EML6: variants seen among roughly 807,000 people sequenced by gnomAD.
EML6 encodes echinoderm microtubule-associated protein-like 6.
In EML6, 154 loss-of-function variants were observed where a neutral mutation model predicts 240.1. That is an observed-to-expected ratio of 0.64 (90% confidence interval 0.56 to 0.73). The LOEUF (loss-of-function observed/expected upper bound fraction) is 0.73, where lower values mean the gene tolerates loss of function less well. Among genes scored for constraint, EML6 ranks in the 30% least tolerant of loss-of-function variants. EML6 has a pLI of 0.00. For missense variants in EML6, 2,964 were observed against 2,474.6 expected (o/e 1.20, Z -4.20); for synonymous variants, 1,148 against 899.0 (o/e 1.28, Z -4.95).
chr2:54,759,494 A>C (rs1336918888), intron 2 of EML6, among the ~76,000 whole-genome samples: 1 of 152,140 alleles, frequency 6.6e-6, no homozygotes, highest in Non-Finnish European at 1.5e-5. Context: ...ATATTTATTG[A>C]ATGCTGACTA....
chr2:54,891,127 A>G lies in EML6; in HGVS notation c.2512A>G (p.Lys838Glu), dbSNP rs1210423203. The change falls in exon 18 of 42, where the codon AAA (lysine) becomes GAA (glutamate). Residue 838 changes from lysine to glutamate, a missense_variant. Transcript: ENST00000356458. ...HVDKLVTVGI[K>E]HIKFWQQAGG... ...TGACAAACTGGTTACAGTTGGGATA[A>G]AACACATCAAATTCTGGCAACAAGC... 1 of 1,487,914 alleles carries G rather than the reference A, an allele frequency of 6.7e-7. No homozygotes were observed. The highest frequency in any genetic ancestry group is 9.1e-7 in the Non-Finnish European group (1 of 1,100,248). 92.2% of individuals were successfully genotyped at this position (1,487,914 alleles called of 1,614,324 possible).
At chr2:54,797,168 A>AAAAAAAAAAAAAACAAAAAAC (rs1669841030) in intron 2 of EML6, among the ~76,000 whole-genome samples, 3 of 125,908 alleles carry the variant, frequency 2.4e-5, no homozygotes, top group Admixed American at 2.4e-4. Context: ...CCATCTCAAA[A>AAAAAAAAAAAAAACAAAAAAC]AAAAAAAAAA....
intron 2 of EML6, among the ~76,000 whole-genome samples, chr2:54,751,099 T>C (rs762002385): frequency 2.6e-4 from 40 of 152,356 alleles, no homozygotes; most frequent in African/African-American, 9.1e-4. Flanking sequence ...AATAGATCCC[T>C]GCTTGTTATC....
At chr2:54,958,495 AT>A (rs149140092) in intron 33 of EML6, among the ~76,000 whole-genome samples, 14 of 150,346 alleles carry the variant, frequency 9.3e-5, no homozygotes, top group Admixed American at 2.7e-4. Flanking sequence ...CCTGGCCAAT[AT>A]TTTTTTTTTC....
chr2:54,832,261 T>C (rs1338397900), intron 7 of EML6, among the ~76,000 whole-genome samples: 1 of 152,218 alleles, frequency 6.6e-6, no homozygotes, highest in African/African-American at 2.4e-5. Context: ...GACAGGGTCA[T>C]GTGGGGAAAC....
Position 54,724,799 on chromosome 2 carries a change from CGCCCCCAGAGCCGCCTT to C in EML6, c.-258_-242del, listed in dbSNP as rs1405374142. ...AGTGAGGCGCGCGCGCCGGTGCCGGCGCCCCCAGAGCCGCCTTGCCCGGGTAGAGGGAGCCCGGCGCC... is the reference window on the plus strand; with the variant it reads ...AGTGAGGCGCGCGCGCCGGTGCCGGCGCCCGGGTAGAGGGAGCCCGGCGCC... On this transcript the variant is annotated 5_prime_UTR_variant, in exon 2 of 42. Transcript: ENST00000356458. The surrounding 1 kb of genome is among the most constrained non-coding windows in gnomAD (Gnocchi z 5.2). 6.4e-5 allele frequency: 10 copies of C among 156,628 alleles called. No homozygotes were observed. The highest frequency in any genetic ancestry group is 2.4e-4 in the African/African-American group (10 of 41,418). 9.7% of individuals were successfully genotyped at this position (156,628 alleles called of 1,614,324 possible). A position where few individuals can be genotyped will look rare whatever the true frequency, so the allele number is the denominator to read the frequency against.
chr2:54,919,655 A>G (rs974093056), intron 26 of EML6, among the ~76,000 whole-genome samples: 1 of 152,206 alleles, frequency 6.6e-6, no homozygotes, highest in Non-Finnish European at 1.5e-5. Context: ...TGCTAGCAGT[A>G]CAAGGCAAAA....
intron 11 of EML6, among the ~76,000 whole-genome samples, chr2:54,858,741 T>A (rs530087670): frequency 1.3e-5 from 2 of 152,320 alleles, no homozygotes; most frequent in Non-Finnish European, 2.9e-5. Flanking sequence ...TTACAAATCA[T>A]TGCCTCTCCA....
intron 18 of EML6, among the ~76,000 whole-genome samples, chr2:54,891,761 G>T (rs2104101047): frequency 6.6e-6 from 1 of 152,232 alleles, no homozygotes; most frequent in Middle Eastern, 3.4e-3. Flanking sequence ...TTCTGTTCCA[G>T]TGCATTTTGC....
chr2:54,903,354 C>G lies in EML6; in HGVS notation c.3278-17C>G. ...ATATAAAATGCTTCGATGTTAACCC[C>G]ACATTTTTCTTAACAGATACGGGAA... On this transcript the variant is annotated splice_polypyrimidine_tract_variant and intron_variant, in intron 23 of 41. Coordinates refer to ENST00000356458, the MANE Select transcript of EML6 (RefSeq NM_001039753.4). The G allele has an allele frequency of 1.3e-6, 2 of 1,549,764 alleles. No individual in the cohort carries two copies. Among genetic ancestry groups the G allele is most frequent in the South Asian group, 2.4e-5 (2 of 83,714 alleles).
chr2:54,891,968 A>G (rs1199238031), intron 18 of EML6, among the ~76,000 whole-genome samples: 1 of 152,244 alleles, frequency 6.6e-6, no homozygotes, highest in Non-Finnish European at 1.5e-5. Context: ...TAGCTGTTAT[A>G]AATAAGCAGA....
intron 7 of EML6, among the ~76,000 whole-genome samples, chr2:54,838,455 A>G (rs540793984): frequency 6.6e-6 from 1 of 152,352 alleles, no homozygotes; most frequent in East Asian, 1.9e-4. Flanking sequence ...ACCATGTCAC[A>G]CAGCTGGCAA....
chr2:54,922,578 G>A (rs960440913), intron 26 of EML6, among the ~76,000 whole-genome samples: 11 of 152,042 alleles, frequency 7.2e-5, no homozygotes, highest in Non-Finnish European at 1.2e-4. Flanking sequence ...ATCTTGAAGA[G>A]ATATCTACAC....
At chr2:54,964,757 C>T in intron 38 of EML6, 24 bp downstream of exon 38, 1 of 1,550,158 alleles carries the variant, frequency 6.5e-7, no homozygotes, top group Non-Finnish European at 8.7e-7. Flanking sequence ...TTACTTATAT[C>T]TGGGGCAACC....
chr2:54,773,299 T>C (rs1397413391), intron 2 of EML6, among the ~76,000 whole-genome samples: 4 of 152,280 alleles, frequency 2.6e-5, no homozygotes, highest in Non-Finnish European at 4.4e-5. Flanking sequence ...GCTGAGCATG[T>C]AGCCCAAAGC....
At chr2:54,790,758 C>T (rs1279237500) in intron 2 of EML6, among the ~76,000 whole-genome samples, 3 of 142,744 alleles carry the variant, frequency 2.1e-5, no homozygotes, top group African/African-American at 5.2e-5. Flanking sequence ...CGGAGTTACG[C>T]TCTGTCGCCC....
chr2:54,756,287 G>A (rs1667726883), intron 2 of EML6, among the ~76,000 whole-genome samples: 1 of 152,190 alleles, frequency 6.6e-6, no homozygotes, highest in South Asian at 2.1e-4. Flanking sequence ...TTGTTCATCA[G>A]TGTCTTCAAT....
intron 40 of EML6, 37 bp downstream of exon 40, chr2:54,968,318 CTGTT>C (rs1235445005): frequency 1.7e-5 from 27 of 1,549,204 alleles, no homozygotes; most frequent in Middle Eastern, 3.3e-4. Flanking sequence ...TGCAGGTTCT[CTGTT>C]TGGCCGTCTG....
intron 35 of EML6, among the ~76,000 whole-genome samples, 194 bp downstream of exon 35, chr2:54,960,528 G>C (rs1676449775): frequency 6.6e-6 from 1 of 152,176 alleles, no homozygotes; most frequent in African/African-American, 2.4e-5. Context: ...GACCTTGGGT[G>C]TGTTCCTTAA....
Sources: allele counts gnomAD v4.1 joint callset (sites outside exome capture counted in the v4.1 genomes callset), GRCh38; gene constraint gnomAD v4.1.1; non-coding constraint Gnocchi (gnomAD v3.1); transcripts MANE v1.5; gene names NCBI Gene and HGNC (gene_info 2026-07-23, HGNC 2026-07-21).